The following STXBP4 variants were observed in gnomAD, a reference collection of about 807,000 sequenced individuals.
STXBP4 encodes syntaxin-binding protein 4.
In STXBP4, 55 loss-of-function variants were observed where a neutral mutation model predicts 76.1. That is an observed-to-expected ratio of 0.72 (90% CI 0.58 to 0.91). The LOEUF (loss-of-function observed/expected upper bound fraction) is 0.91, where lower values mean the gene tolerates loss of function less well. Among genes scored for constraint, STXBP4 ranks in the 40% least tolerant of loss-of-function variants. The probability of loss-of-function intolerance (pLI) is 0.00; values close to 1 mark genes in which losing one functional copy is unlikely to be tolerated. For synonymous variants in STXBP4, 201 were observed against 220.2 expected, an observed-to-expected ratio of 0.91 and a Z score of 0.77; for missense variants, 618 against 636.9, an observed-to-expected ratio of 0.97 and a Z score of 0.32.
intron 16 of STXBP4, among the ~76,000 whole-genome samples, chr17:55,130,619 A>AT (rs1426199153): frequency 6.6e-6 from 1 of 152,168 alleles, no homozygotes; most frequent in Non-Finnish European, 1.5e-5. Context: ...GATAACCAGA[A>AT]TTTATCCCTC....
intron 17 of STXBP4, among the ~76,000 whole-genome samples, chr17:55,151,235 A>T (rs1395489814): frequency 6.6e-6 from 1 of 152,086 alleles, no homozygotes; most frequent in African/African-American, 2.4e-5. Flanking sequence ...AGGGAGTTAG[A>T]AGTAGAGTGG....
At chr17:55,117,642 A>G (rs1598327932) in intron 16 of STXBP4, among the ~76,000 whole-genome samples, 2 of 152,070 alleles carry the variant, frequency 1.3e-5, no homozygotes. Context: ...AAATAACTGA[A>G]CATCTGCTTT....
chr17:55,140,917 T>C (rs539169681), intron 16 of STXBP4, among the ~76,000 whole-genome samples: 1 of 152,294 alleles, frequency 6.6e-6, no homozygotes, highest in South Asian at 2.1e-4. Flanking sequence ...AGTGAAAGAA[T>C]GTAAAGGGAG....
intron 10 of STXBP4, among the ~76,000 whole-genome samples, chr17:55,034,476 G>C (rs1370539745): frequency 6.6e-6 from 1 of 151,990 alleles, no homozygotes. Context: ...TCACACCTAA[G>C]TTTACCAGTA....
At chr17:55,128,925 C>CTTTTT (rs35073950) in intron 16 of STXBP4, among the ~76,000 whole-genome samples, 3 of 86,272 alleles carry the variant, frequency 3.5e-5, no homozygotes, top group Admixed American at 1.3e-4. Flanking sequence ...TGTAAGGATT[C>CTTTTT]TTTTTTTTTT....
chr17:55,199,091 A>G, the STXBP4 span, among the ~76,000 whole-genome samples: 10 of 152,372 alleles, frequency 6.6e-5, 1 homozygote, highest in South Asian at 2.1e-3. Context: ...AGAGCATGGC[A>G]TATGCAGCTA....
the STXBP4 span, among the ~76,000 whole-genome samples, chr17:55,204,428 A>T: frequency 3.9e-5 from 6 of 151,966 alleles, no homozygotes; most frequent in African/African-American, 1.4e-4. Flanking sequence ...CTGCTTTTTT[A>T]TGTGCTTTTT....
At position 55,087,491 on chromosome 17, in the gene STXBP4, G is replaced by A. The variant is rs139692299; in HGVS notation, c.1489+6308G>A. Reference sequence around the variant, plus strand: ...ATGGATATCCAGTTTTTCCAGTACCGTTTGTTGAAGAGACTATCCTTTCCC... The same window carrying A: ...ATGGATATCCAGTTTTTCCAGTACCATTTGTTGAAGAGACTATCCTTTCCC... On this transcript the variant is annotated intron_variant, in intron 16 of 17. Transcript: ENST00000376352. Among the ~76,000 whole-genome samples the A allele has an allele frequency of 1.4e-3, 206 of 152,120 alleles. 1 individual carries two copies. The highest frequency in any genetic ancestry group is 4.8e-3 in the African/African-American group (200 of 41,532).
chr17:55,019,410 T>C (rs7225949), intron 8 of STXBP4, among the ~76,000 whole-genome samples: 57,510 of 152,038 alleles, frequency 0.38, 11,556 homozygotes, highest in East Asian at 0.56. Context: ...TTCCTTTGTA[T>C]ATACAAAGCT....
At chr17:54,997,667 T>C (rs2077834260) in intron 4 of STXBP4, among the ~76,000 whole-genome samples, 1 of 148,474 alleles carries the variant, frequency 6.7e-6, no homozygotes, top group Non-Finnish European at 1.5e-5. Context: ...AGCAGTGGCG[T>C]AGTCATGACC....
intron 8 of STXBP4, among the ~76,000 whole-genome samples, chr17:55,008,183 CAGGG>C (rs2078043246): frequency 6.7e-6 from 1 of 149,814 alleles, no homozygotes; most frequent in Non-Finnish European, 1.5e-5. Flanking sequence ...ATCAGGTTAC[CAGGG>C]ATCTGAAGGG....
chr17:55,121,690 A>C (rs982355549), intron 16 of STXBP4, among the ~76,000 whole-genome samples: 5 of 152,080 alleles, frequency 3.3e-5, no homozygotes, highest in Admixed American at 2.0e-4. Context: ...AAAGTCAGAC[A>C]GTTGCCCTCT....
intron 7 of STXBP4, among the ~76,000 whole-genome samples, chr17:55,001,189 G>T (rs1040744008): frequency 6.0e-4 from 92 of 152,134 alleles, no homozygotes; most frequent in Non-Finnish European, 1.1e-3. Flanking sequence ...TCAAGATTAG[G>T]TTGCCATGTC....
At chr17:55,135,003 G>A (rs2080012781) in intron 16 of STXBP4, among the ~76,000 whole-genome samples, 1 of 152,120 alleles carries the variant, frequency 6.6e-6, no homozygotes, top group Admixed American at 6.6e-5. Context: ...TCAAGGAAGT[G>A]ACTCCACAAT....
chr17:55,151,380 G>A (rs562863665), intron 17 of STXBP4, among the ~76,000 whole-genome samples: 19 of 152,292 alleles, frequency 1.2e-4, no homozygotes, highest in African/African-American at 4.3e-4. Flanking sequence ...TGGGAAATTG[G>A]TATCAAAGAA....
intron 1 of STXBP4, among the ~76,000 whole-genome samples, chr17:54,970,253 A>G (rs1028765179): frequency 6.6e-6 from 1 of 152,224 alleles, no homozygotes; most frequent in Non-Finnish European, 1.5e-5. Context: ...ATAGGAAGCT[A>G]TTGGAATGTT....
intron 1 of STXBP4, among the ~76,000 whole-genome samples, chr17:54,985,057 G>A (rs1298328497): frequency 6.6e-6 from 1 of 152,118 alleles, no homozygotes; most frequent in Non-Finnish European, 1.5e-5. Flanking sequence ...CCAAGGTCAA[G>A]ATGCCATTTT....
At chr17:55,090,494 C>T (rs1373017731) in intron 16 of STXBP4, among the ~76,000 whole-genome samples, 4 of 152,066 alleles carry the variant, frequency 2.6e-5, no homozygotes, top group Non-Finnish European at 5.9e-5. Flanking sequence ...ATTCCAACAA[C>T]AATTTGGTCA....
chr17:55,200,254 G>A, the STXBP4 span, among the ~76,000 whole-genome samples: 1 of 152,084 alleles, frequency 6.6e-6, no homozygotes, highest in Non-Finnish European at 1.5e-5. Flanking sequence ...ATATCTCTAA[G>A]AGTGACTTAA....
Sources: gnomAD v4.1 joint callset for allele counts (sites outside exome capture counted in the v4.1 genomes callset) on GRCh38, gnomAD v4.1.1 for gene constraint, MANE v1.5 for transcripts, NCBI Gene and HGNC (gene_info 2026-07-23, HGNC 2026-07-21) for gene names.